The following NOD1 variants were observed in gnomAD, a reference collection of about 807,000 sequenced individuals.
The protein encoded by NOD1 is nucleotide binding oligomerization domain containing 1.
Under a neutral mutation model 81.2 loss-of-function variants are expected in NOD1, and 70 were observed. The observed-to-expected ratio is 0.86, with a 90% confidence interval of 0.71 to 1.05. The LOEUF (loss-of-function observed/expected upper bound fraction) is 1.05. Among genes scored for constraint, NOD1 ranks in the 50% least tolerant of loss-of-function variants. The pLI is 0.00. For missense variants in NOD1, 1,233 were observed against 1,228.0 expected (o/e 1.00, Z -0.06); for synonymous variants, 508 against 526.9 (o/e 0.96, Z 0.49).
At position 30,451,651 on chromosome 7, in the gene NOD1, T is replaced by A; in HGVS notation, c.1766A>T (p.Asn589Ile). 6.2e-7 allele frequency: 1 copy of A among 1,613,614 alleles called. No individual in the cohort carries two copies. Among genetic ancestry groups the A allele is most frequent in the East Asian group, 2.2e-5 (1 of 44,850 alleles). The change falls in exon 6 of 14, where the codon AAC (asparagine) becomes ATC (isoleucine). Residue 589 changes from asparagine (N) to isoleucine (I), a missense_variant. By Grantham distance (149) the Asn-to-Ile change is moderately radical. Transcript: ENST00000222823. This position sits in a 1 kb window ranked among gnomAD's most constrained non-coding sequence, Gnocchi z 4.2. ...GGACAACAGCCCGCACAGGAAGAGG[T>A]TGGTGAACTGGAAGTGATCCTTGTT... is the stretch of plus-strand genomic sequence containing the variant. The part of the protein sequence containing the change: ...FKNKDHFQFT[N>I]LFLCGLLSKA...
At chr7:30,431,230 A>AAAT (rs1410783867) in intron 12 of NOD1, among the ~76,000 whole-genome samples, 4 of 77,812 alleles carry the variant, frequency 5.1e-5, no homozygotes, top group African/African-American at 1.8e-4. Flanking sequence ...GAATGGGATC[A>AAAT]AATAATTCTG....
At chr7:30,436,679 T>A (rs1345605029) in intron 10 of NOD1, among the ~76,000 whole-genome samples, 1 of 152,152 alleles carries the variant, frequency 6.6e-6, no homozygotes, top group Non-Finnish European at 1.5e-5. Flanking sequence ...CATCTGCACT[T>A]AGGAAACCCT....
rs13239623 is a variant in NOD1, at chr7:30,478,529, C to G, written c.-352+77G>C. 6.6e-6 allele frequency: 1 copy of G among 152,554 alleles called. No individual in the cohort carries two copies. Among genetic ancestry groups the G allele is most frequent in the East Asian group, 1.9e-4 (1 of 5,190 alleles). The allele number at this position is 152,554 out of a possible 1,614,324, so 9.5% of individuals were successfully genotyped here. A position where few individuals can be genotyped will look rare whatever the true frequency, so the allele number is the denominator to read the frequency against. On this transcript the variant is annotated intron_variant, in intron 1 of 13. Coordinates refer to ENST00000222823, the MANE Select transcript of NOD1 (RefSeq NM_006092.4). This position sits in a 1 kb window ranked among gnomAD's most constrained non-coding sequence, Gnocchi z 4.1. Reference sequence around the variant, plus strand: ...CCGCCCGCACGCAAATCCCGCCTCCCTGCGCCTCCTCACTCGCAGCGCCCA... The same window carrying G: ...CCGCCCGCACGCAAATCCCGCCTCCGTGCGCCTCCTCACTCGCAGCGCCCA...
chr7:30,427,750 A>G (rs1583645525), intron 13 of NOD1, among the ~76,000 whole-genome samples: 2 of 152,346 alleles, frequency 1.3e-5, no homozygotes, highest in East Asian at 3.9e-4. Flanking sequence ...TCAAGAGGGA[A>G]GCAATGCAGA....
At position 30,460,842 on chromosome 7, in the gene NOD1, C is replaced by T. The variant is rs561032818; in HGVS notation, c.-351-801G>A. On this transcript the variant is annotated intron_variant, in intron 1 of 13. Transcript: ENST00000222823. ...GAATCCCAGGGGCAATTCACCACTC[C>T]GGGCTCCTCACAGAAACCAGTGCCC... Among the ~76,000 whole-genome samples the T allele has an allele frequency of 1.6e-4, 25 of 152,312 alleles. No homozygotes were observed. The South Asian group carries it at 2.9e-3, about 18-fold the overall frequency.
chr7:30,439,747 GC>G (rs1170650380), intron 9 of NOD1, among the ~76,000 whole-genome samples: 1 of 73,280 alleles, frequency 1.4e-5, no homozygotes. Flanking sequence ...ACTGGGTGGA[GC>G]CCACCACAGC....
intron 1 of NOD1, chr7:30,463,483 C>T (rs1341236372): frequency 1.3e-5 from 2 of 152,492 alleles, no homozygotes; most frequent in Admixed American, 6.6e-5. Context: ...ATTAATATCT[C>T]GTGAGGTCAC....
chr7:30,475,621 C>T (rs1490012204), intron 1 of NOD1, among the ~76,000 whole-genome samples: 2 of 152,184 alleles, frequency 1.3e-5, no homozygotes, highest in Admixed American at 6.5e-5. Context: ...GCATCATCCC[C>T]GGTTGGCTCA....
intron 8 of NOD1, 185 bp from the exon 9 acceptor site, chr7:30,446,409 A>C (rs1785090725): frequency 1.7e-6 from 1 of 599,356 alleles, no homozygotes; most frequent in Admixed American, 2.9e-5. Context: ...GAGGACAGTC[A>C]GTCAGGGTTC....
chr7:30,464,507 A>AGCATGGATGTTAAGGCTTTATAC (rs1447211571), intron 1 of NOD1, among the ~76,000 whole-genome samples: 1 of 152,254 alleles, frequency 6.6e-6, no homozygotes, highest in African/African-American at 2.4e-5. Context: ...CTAGGGCATC[A>AGCATGGATGTTAAGGCTTTATAC]GCATGGATGT....
intron 8 of NOD1, chr7:30,446,572 G>C (rs1193788077): frequency 2.5e-6 from 1 of 398,614 alleles, no homozygotes; most frequent in Non-Finnish European, 4.6e-6. Context: ...TGTGGCCACT[G>C]TCAGGGCAGG....
intron 2 of NOD1, among the ~76,000 whole-genome samples, 156 bp from the exon 3 acceptor site, chr7:30,459,396 A>G (rs898177589): frequency 6.6e-6 from 1 of 152,174 alleles, no homozygotes; most frequent in Admixed American, 6.5e-5. Context: ...TAAATGTTCA[A>G]CGTCCCCACC....
At chr7:30,448,167 C>T (rs1014836367) in intron 7 of NOD1, 131 bp downstream of exon 7, 1 of 741,830 alleles carries the variant, frequency 1.3e-6, no homozygotes, top group East Asian at 2.5e-5. Flanking sequence ...GGACTCTCAA[C>T]TCCTGGGCCA....
intron 1 of NOD1, among the ~76,000 whole-genome samples, chr7:30,477,640 G>A (rs371974906): frequency 1.3e-5 from 2 of 151,808 alleles, no homozygotes; most frequent in East Asian, 3.9e-4. Flanking sequence ...TCAGCCTCCC[G>A]AGTAGCTGGG....
chr7:30,451,999 T>TA lies in NOD1; in HGVS notation c.1417_1418insT (p.Lys473IlefsTer37). 6.2e-7 allele frequency: 1 copy of TA among 1,613,544 alleles called. No individual in the cohort carries two copies. Among genetic ancestry groups the TA allele is most frequent in the Non-Finnish European group, 8.5e-7 (1 of 1,179,980 alleles). ...CTCCTGGGTGAAGACAAAGAGGCTC[T>TA]TCTCCATGCCCCGGTGGGCCACCTG... On this transcript the variant is annotated frameshift_variant, in exon 6 of 14. Coordinates refer to ENST00000222823, the MANE Select transcript of NOD1 (RefSeq NM_006092.4). LOFTEE classifies it high-confidence loss of function. The surrounding 1 kb of genome is among the most constrained non-coding windows in gnomAD (Gnocchi z 4.2).
chr7:30,438,922 T>C (rs1190154757), intron 9 of NOD1, among the ~76,000 whole-genome samples: 1 of 152,256 alleles, frequency 6.6e-6, no homozygotes, highest in Non-Finnish European at 1.5e-5. Context: ...AAGATAATTT[T>C]TATTATTTTT....
chr7:30,437,304 T>A (rs1385615828), intron 10 of NOD1, among the ~76,000 whole-genome samples: 1 of 152,148 alleles, frequency 6.6e-6, no homozygotes, highest in Non-Finnish European at 1.5e-5. Flanking sequence ...GACAGGTTGA[T>A]AGGTGCAGCA....
chr7:30,433,757 T>A (rs879705498), intron 11 of NOD1, among the ~76,000 whole-genome samples: 15 of 152,138 alleles, frequency 9.9e-5, no homozygotes, highest in Non-Finnish European at 1.9e-4. Flanking sequence ...AGGACCCACT[T>A]GTGCCAGTGG....
chr7:30,433,524 A>G (rs1233713405), intron 11 of NOD1: 2 of 311,660 alleles, frequency 6.4e-6, no homozygotes, highest in Non-Finnish European at 1.2e-5. Flanking sequence ...GTTCTCCTCT[A>G]GTCCCAGGGT....
Sources: gnomAD v4.1 joint callset for allele counts (sites outside exome capture counted in the v4.1 genomes callset) on GRCh38, gnomAD v4.1.1 for gene constraint, Gnocchi (gnomAD v3.1) non-coding constraint, MANE v1.5 for transcripts, NCBI Gene and HGNC (gene_info 2026-07-23, HGNC 2026-07-21) for gene names.